CTNNA3: variants seen among roughly 807,000 people sequenced by gnomAD.
CTNNA3 encodes catenin alpha 3.
In CTNNA3, 76 loss-of-function variants were observed where a neutral mutation model predicts 95.7. That is an observed-to-expected ratio of 0.79 (90% CI 0.66 to 0.96). CTNNA3 has a LOEUF of 0.96. CTNNA3 is among the 40% of genes least tolerant of loss of function. The pLI is 0.00. For missense variants in CTNNA3, 1,191 were observed against 1,089.8 expected (o/e 1.09, Z -1.31); for synonymous variants, 431 against 374.4 (o/e 1.15, Z -1.74).
At chr10:66,282,084 T>C (rs2091502943) in intron 12 of CTNNA3, among the ~76,000 whole-genome samples, 1 of 151,896 alleles carries the variant, frequency 6.6e-6, no homozygotes, top group South Asian at 2.1e-4. Context: ...GAAGAGTGGA[T>C]ATATGGCTAT....
At chr10:67,238,647 G>A (rs1340700045) in intron 5 of CTNNA3, among the ~76,000 whole-genome samples, 1 of 152,032 alleles carries the variant, frequency 6.6e-6, no homozygotes, top group Non-Finnish European at 1.5e-5. Flanking sequence ...TTGGAAAGGG[G>A]AAATTTTTAT....
chr10:67,089,877 T>A (rs1268575539), intron 7 of CTNNA3, among the ~76,000 whole-genome samples: 1 of 151,994 alleles, frequency 6.6e-6, no homozygotes, highest in African/African-American at 2.4e-5. Flanking sequence ...AGAAATTGTG[T>A]CTTCATCATG....
intron 4 of CTNNA3, among the ~76,000 whole-genome samples, chr10:67,534,000 C>G (rs1840415529): frequency 6.6e-6 from 1 of 150,610 alleles, no homozygotes; most frequent in Non-Finnish European, 1.5e-5. Context: ...TTCTTTAATG[C>G]TATGAAATAA....
intron 15 of CTNNA3, among the ~76,000 whole-genome samples, chr10:66,021,254 C>A (rs1480807164): frequency 6.6e-6 from 1 of 152,114 alleles, no homozygotes; most frequent in Non-Finnish European, 1.5e-5. Context: ...ATCAAACCTA[C>A]TAAATTAGGA....
At chr10:66,529,194 T>C (rs1416664004) in intron 10 of CTNNA3, among the ~76,000 whole-genome samples, 1 of 152,130 alleles carries the variant, frequency 6.6e-6, no homozygotes, top group East Asian at 1.9e-4. Flanking sequence ...AATGGTGCGA[T>C]CTTGGCTCAC....
intron 9 of CTNNA3, among the ~76,000 whole-genome samples, chr10:66,699,144 A>G (rs1847860106): frequency 1.3e-5 from 2 of 152,146 alleles, no homozygotes. Context: ...TTGATTCCAT[A>G]TCTTGTATAT....
intron 13 of CTNNA3, among the ~76,000 whole-genome samples, chr10:66,199,237 A>G (rs1473090665): frequency 2.0e-5 from 3 of 152,138 alleles, no homozygotes; most frequent in African/African-American, 4.8e-5. Flanking sequence ...GGAAACATCA[A>G]TGGTTTTACA....
At chr10:67,234,148 C>T (rs532105662) in intron 5 of CTNNA3, among the ~76,000 whole-genome samples, 1,560 of 152,258 alleles carry the variant, frequency 0.01, 16 homozygotes, top group African/African-American at 0.024. Context: ...AGGGAATCCT[C>T]CCTAACTCAT....
chr10:66,375,589 C>CAAAA (rs35007442), intron 12 of CTNNA3, among the ~76,000 whole-genome samples: 16 of 139,100 alleles, frequency 1.2e-4, no homozygotes, highest in South Asian at 2.2e-4. Context: ...GCTGCAATGC[C>CAAAA]AAAAAAAAAA....
chr10:66,777,776 C>T (rs933354703), intron 7 of CTNNA3, among the ~76,000 whole-genome samples: 10 of 123,322 alleles, frequency 8.1e-5, no homozygotes, highest in East Asian at 2.8e-4. Flanking sequence ...CACACACACA[C>T]ACACACACAC....
intron 1 of CTNNA3, among the ~76,000 whole-genome samples, chr10:67,707,806 T>C (rs1013813014): frequency 1.3e-5 from 2 of 152,178 alleles, no homozygotes; most frequent in Admixed American, 1.3e-4. Context: ...ATGAAAGATG[T>C]CAGCTTCATC....
intron 13 of CTNNA3, among the ~76,000 whole-genome samples, chr10:66,238,321 G>A (rs1436162301): frequency 6.6e-6 from 1 of 151,892 alleles, no homozygotes; most frequent in Admixed American, 6.6e-5. Context: ...CAAGCTGAAG[G>A]TGATAGTAAT....
At chr10:66,728,656 C>T (rs1848854089) in intron 9 of CTNNA3, among the ~76,000 whole-genome samples, 3 of 152,126 alleles carry the variant, frequency 2.0e-5, no homozygotes, top group Admixed American at 2.0e-4. Context: ...GTGGTGCAAC[C>T]TCTGTCATTG....
intron 7 of CTNNA3, among the ~76,000 whole-genome samples, chr10:66,938,040 A>C (rs1041267280): frequency 6.6e-6 from 1 of 152,084 alleles, no homozygotes; most frequent in African/African-American, 2.4e-5. Flanking sequence ...TGCATGATAG[A>C]TGTTGTTGAA....
chr10:67,366,568 G>T (rs1843227168), intron 5 of CTNNA3, among the ~76,000 whole-genome samples: 1 of 152,006 alleles, frequency 6.6e-6, no homozygotes, highest in South Asian at 2.1e-4. Flanking sequence ...TTGAACCTGG[G>T]AGGCGGAGGT....
intron 16 of CTNNA3, among the ~76,000 whole-genome samples, chr10:65,985,634 A>G (rs2078412029): frequency 6.6e-6 from 1 of 151,466 alleles, no homozygotes. Flanking sequence ...AAAACCTAAC[A>G]TTATAACATT....
intron 7 of CTNNA3, among the ~76,000 whole-genome samples, chr10:66,865,196 T>C (rs952652796): frequency 1.7e-5 from 2 of 117,196 alleles, no homozygotes; most frequent in Admixed American, 1.8e-4. Flanking sequence ...TTAACAGGCA[T>C]GGGGTGTGTG....
intron 12 of CTNNA3, among the ~76,000 whole-genome samples, chr10:66,306,149 T>A (rs2091930425): frequency 6.6e-6 from 1 of 152,320 alleles, no homozygotes; most frequent in South Asian, 2.1e-4. Flanking sequence ...AGTGTCCAGA[T>A]ACTTAACTAA....
intron 7 of CTNNA3, among the ~76,000 whole-genome samples, chr10:67,122,430 C>G (rs80060234): frequency 2.6e-5 from 4 of 151,916 alleles, no homozygotes; most frequent in Admixed American, 6.6e-5. Context: ...ACCAAATGCA[C>G]GCTGAATACA....
Sources: gnomAD v4.1 joint callset for allele counts (sites outside exome capture counted in the v4.1 genomes callset) on GRCh38, gnomAD v4.1.1 for gene constraint, MANE v1.5 for transcripts, NCBI Gene and HGNC (gene_info 2026-07-23, HGNC 2026-07-21) for gene names.